Variants in A2M observed in about 807,000 individuals in gnomAD.
A2M encodes alpha-2-macroglobulin.
A2M carries 128 observed loss-of-function variants against 183.9 expected under a neutral mutation model. The observed-to-expected ratio is 0.70, with a 90% CI of 0.60 to 0.81. A2M has a LOEUF of 0.81. Ranked by LOEUF, A2M falls within the 30% of genes least tolerant of loss-of-function variation. The pLI is 0.00. For synonymous variants in A2M, 592 were observed against 670.8 expected (o/e 0.88, Z 1.81); for missense variants, 1,495 against 1,787.6 (o/e 0.84, Z 2.95).
chr12:9,086,972 T>C (rs1206170162), intron 22 of A2M, among the ~76,000 whole-genome samples: 2 of 152,186 alleles, frequency 1.3e-5, no homozygotes, highest in Non-Finnish European at 2.9e-5. Context: ...TAAAAATCAG[T>C]AGTATTTTCT....
chr12:9,109,245 G>C (rs746729823), intron 7 of A2M, 76 bp downstream of exon 7: 1 of 1,185,288 alleles, frequency 8.4e-7, no homozygotes, highest in Non-Finnish European at 1.2e-6. Context: ...CTCCCGGAGA[G>C]AGTAGTTAAA....
At position 9,089,969 on chromosome 12, in the gene A2M, C is replaced by T. The variant is rs371955291; in HGVS notation, c.2651G>A (p.Gly884Glu). The T allele has an allele frequency of 1.9e-6, 3 of 1,611,156 alleles. No homozygotes were observed. The highest frequency in any genetic ancestry group is 1.7e-6 in the Non-Finnish European group (2 of 1,177,762). The part of the protein sequence containing the change: ...AEALESQELC[G>E]TEVPSVPEHG... Reference sequence around the variant, plus strand: ...TTCAGGAACTGAAGGCACCTCAGTCCCACACAGCTCTTGAGACTCTAGTGC... The same window carrying T: ...TTCAGGAACTGAAGGCACCTCAGTCTCACACAGCTCTTGAGACTCTAGTGC... The change falls in exon 21 of 36, where the codon GGG becomes GAG. Residue 884 changes from glycine to glutamate, a missense_variant. By Grantham distance (98) the Gly-to-Glu change is moderately conservative. Transcript: ENST00000318602.
chr12:9,069,662 C>G, intron 33 of A2M, 83 bp downstream of exon 33: 1 of 1,020,528 alleles, frequency 9.8e-7, no homozygotes, highest in Non-Finnish European at 1.5e-6. Flanking sequence ...AGTGATGTTT[C>G]TAAAATGCAT....
At position 9,098,633 on chromosome 12, in the gene A2M, G is replaced by C. The variant is rs777262426; in HGVS notation, c.1825C>G (p.Pro609Ala). The change falls in exon 15 of 36, where the codon CCT (proline) becomes GCT (alanine). Residue 609 changes from proline (P) to alanine (A), a missense_variant. Transcript: ENST00000318602. ...GAGGACGCCGAGAGCTCAGCATCAG[G>C]CTTCATGAGCAGCACGCTTTGGTCC... is the stretch of plus-strand genomic sequence containing the variant. ...AVDQSVLLMKPDAELSASSVY... is the reference protein window; with the variant it reads ...AVDQSVLLMKADAELSASSVY... 11 of 1,607,516 alleles carry C rather than the reference G, an allele frequency of 6.8e-6. No individual in the cohort carries two copies. The African/African-American group carries it at 1.2e-4, about 18-fold the overall frequency.
chr12:9,079,159 T>A, intron 25 of A2M, 85 bp downstream of exon 25: 1 of 1,010,296 alleles, frequency 9.9e-7, no homozygotes, highest in Non-Finnish European at 1.5e-6. Flanking sequence ...ACATATCTGA[T>A]AGTGTTGCTG....
chr12:9,089,076 C>A, intron 22 of A2M, 124 bp downstream of exon 22: 1 of 757,170 alleles, frequency 1.3e-6, no homozygotes, highest in Middle Eastern at 3.6e-4. Context: ...CCACATTTGT[C>A]AAATGCATTG....
Position 9,099,365 on chromosome 12 carries a change from G to T in A2M, c.1701+16C>A, listed in dbSNP as rs970060554. ...TAGTTTTACATGTTGAAGATTTTAT[G>T]ATCTAAAACACACACCTTGTTGGCC... On this transcript the variant is annotated intron_variant, in intron 14 of 35. Transcript: ENST00000318602. 5.8e-6 allele frequency: 9 copies of T among 1,550,490 alleles called. No individual in the cohort carries two copies. Among genetic ancestry groups the T allele is most frequent in the African/African-American group, 1.4e-5 (1 of 72,982 alleles).
chr12:9,090,925 C>A (rs1185593050), intron 19 of A2M, among the ~76,000 whole-genome samples: 1 of 152,134 alleles, frequency 6.6e-6, no homozygotes, highest in East Asian at 1.9e-4. Flanking sequence ...GAGGTTGAAA[C>A]CTTGTAGAAT....
intron 13 of A2M, 83 bp from the exon 14 acceptor site, chr12:9,099,606 T>C: frequency 1.4e-6 from 2 of 1,454,586 alleles, no homozygotes; most frequent in Non-Finnish European, 1.8e-6. Context: ...TAATAAACAG[T>C]AGATGTAACA....
At position 9,091,386 on chromosome 12, in the gene A2M, T is replaced by C. The variant is rs1949209507; in HGVS notation, c.2284A>G (p.Ile762Val). The change falls in exon 19 of 36, where the codon ATC becomes GTC. Residue 762 changes from isoleucine (I) to valine (V), a missense_variant. Physicochemically the swap from Ile to Val is conservative, Grantham distance 29. Coordinates refer to ENST00000318602, the MANE Select transcript of A2M (RefSeq NM_000014.6). Reference protein sequence around the residue: ...AEVGVTVPDTITEWKAGAFCL... With the variant: ...AEVGVTVPDTVTEWKAGAFCL... ...AAGGCCCCTGCCTTCCACTCGGTGA[T>C]GGTGTCAGGGACTGTTACTCCTACC... is the stretch of plus-strand genomic sequence containing the variant. 3.1e-6 allele frequency: 5 copies of C among 1,614,144 alleles called. No homozygotes were observed. In the African/African-American group the frequency reaches 4.0e-5, roughly 13 times the overall value.
At chr12:9,079,584 G>A in intron 24 of A2M, 55 bp downstream of exon 24, 1 of 1,525,984 alleles carries the variant, frequency 6.6e-7, no homozygotes, top group Non-Finnish European at 9.0e-7. Flanking sequence ...GAAACCTACT[G>A]GGAAATCCAG....
intron 20 of A2M, 124 bp from the exon 21 acceptor site, chr12:9,090,147 G>A (rs1279039939): frequency 1.3e-5 from 18 of 1,427,146 alleles, no homozygotes; most frequent in Non-Finnish European, 1.5e-5. Flanking sequence ...AAGCAGGAAC[G>A]GAAACATGCA....
In A2M at chr12:9,076,812, T is replaced by G; in HGVS notation, c.3476A>C (p.Asn1159Thr). The change falls in exon 28 of 36, where the codon AAC (asparagine) becomes ACC (threonine). Residue 1159 changes from asparagine to threonine, a missense_variant. Physicochemically the swap from Asn to Thr is moderately conservative, Grantham distance 65. Coordinates refer to ENST00000318602, the MANE Select transcript of A2M (RefSeq NM_000014.6). The part of the protein sequence containing the change: ...LLAYAFALAG[N>T]QDKRKEVLKS... ...GAGTACTTCCTTCCTCTTGTCCTGG[T>G]TACCTGCCAGGGCAAAAGCATAGGC... 1 of 1,614,022 alleles carries G rather than the reference T, an allele frequency of 6.2e-7. No individual in the cohort carries two copies. Among genetic ancestry groups the G allele is most frequent in the South Asian group, 1.1e-5 (1 of 91,072 alleles).
At chr12:9,083,444 A>C (rs1445893260) in intron 22 of A2M, among the ~76,000 whole-genome samples, 2 of 152,118 alleles carry the variant, frequency 1.3e-5, no homozygotes, top group Non-Finnish European at 2.9e-5. Flanking sequence ...TAAAATAAAA[A>C]ATAAATAGAA....
intron 2 of A2M, 46 bp from the exon 3 acceptor site, chr12:9,112,582 TCTC>T (rs768194391): frequency 6.2e-7 from 1 of 1,606,600 alleles, no homozygotes; most frequent in Non-Finnish European, 8.5e-7. Flanking sequence ...CACCCGCAGG[TCTC>T]CTCCCCTATT....
chr12:9,088,860 T>C (rs906989665), intron 22 of A2M, among the ~76,000 whole-genome samples: 57 of 152,154 alleles, frequency 3.7e-4, no homozygotes, highest in African/African-American at 1.4e-3. Flanking sequence ...AATTCAGCCG[T>C]CCATAGTTTG....
At position 9,110,038 on chromosome 12, in the gene A2M, A is replaced by G; in HGVS notation, c.505-3T>C. On this transcript the variant is annotated splice_region_variant and splice_polypyrimidine_tract_variant and intron_variant, in intron 5 of 35. Transcript: ENST00000318602. ...GCGATGCGATTTCCTTTGGGATCCT[A>G]TATGAGTAAATTAATTATAACTTAC... is the stretch of plus-strand genomic sequence containing the variant. 1 of 1,601,006 alleles carries G rather than the reference A, an allele frequency of 6.2e-7. No homozygotes were observed. The highest frequency in any genetic ancestry group is 1.1e-5 in the South Asian group (1 of 88,574).
chr12:9,098,430 T>TTA (rs56165810), intron 15 of A2M, 177 bp downstream of exon 15: 8,882 of 284,912 alleles, frequency 0.031, 115 homozygotes, highest in Middle Eastern at 0.084. Flanking sequence ...AAGTGAGTAG[T>TTA]TATATATATA....
chr12:9,112,649 T>C, intron 2 of A2M, 113 bp from the exon 3 acceptor site: 1 of 1,172,020 alleles, frequency 8.5e-7, no homozygotes, highest in Non-Finnish European at 1.2e-6. Flanking sequence ...CTTCACTCCC[T>C]TGTTCTCAGC....
Sources: gnomAD v4.1 joint callset for allele counts (sites outside exome capture counted in the v4.1 genomes callset) on GRCh38, gnomAD v4.1.1 for gene constraint, MANE v1.5 for transcripts, NCBI Gene and HGNC (gene_info 2026-07-23, HGNC 2026-07-21) for gene names.